The following SPG11 variants were observed in gnomAD, a reference collection of about 807,000 sequenced individuals.
SPG11 encodes the protein SPG11 vesicle trafficking associated, spatacsin.
In SPG11, 222 loss-of-function variants were observed where a neutral mutation model predicts 274.0. The ratio of observed to expected loss-of-function variants is 0.81; its 90% CI spans 0.73 to 0.91. The LOEUF (loss-of-function observed/expected upper bound fraction) is 0.91. Ranked by LOEUF, SPG11 falls within the 40% of genes least tolerant of loss-of-function variation. The pLI is 0.00. For synonymous variants in SPG11, 1,144 were observed against 1,039.7 expected, an observed-to-expected ratio of 1.10 and a Z score of -1.93; for missense variants, 3,114 against 2,872.7, an observed-to-expected ratio of 1.08 and a Z score of -1.92.
intron 7 of SPG11, among the ~76,000 whole-genome samples, chr15:44,638,679 T>G (rs9672772): frequency 6.6e-6 from 1 of 152,112 alleles, no homozygotes; most frequent in Non-Finnish European, 1.5e-5. Flanking sequence ...ACCTGGATGG[T>G]GGTTACAAGA....
At chr15:44,585,051 G>A (rs1248265097) in intron 29 of SPG11, among the ~76,000 whole-genome samples, 1 of 152,224 alleles carries the variant, frequency 6.6e-6, no homozygotes, top group Non-Finnish European at 1.5e-5. Flanking sequence ...CATGGAATGG[G>A]GTTTAAGTGG....
intron 30 of SPG11, among the ~76,000 whole-genome samples, chr15:44,581,159 C>T (rs1263351397): frequency 1.3e-5 from 2 of 151,954 alleles, no homozygotes; most frequent in Non-Finnish European, 2.9e-5. Context: ...ACCATGGAGG[C>T]GAAAAGGAAG....
chr15:44,584,175 A>G lies in SPG11; in HGVS notation c.5505T>C (p.Asp1835=). ...QISTSGELSF[D]SLASEFSFSK... Reference sequence around the variant, plus strand: ...AGAAGGAAAACTCACTGGCTAAACTATCAAAGGAAAGTTCACCACTAGTTG... The same window carrying G: ...AGAAGGAAAACTCACTGGCTAAACTGTCAAAGGAAAGTTCACCACTAGTTG... Residue 1835 remains aspartate (D), a synonymous_variant, in exon 30 of 40, where the codon GAT becomes GAC. Transcript: ENST00000261866. 6.2e-7 allele frequency: 1 copy of G among 1,614,206 alleles called. No homozygotes were observed. Among genetic ancestry groups the G allele is most frequent in the Non-Finnish European group, 8.5e-7 (1 of 1,180,032 alleles).
chr15:44,570,902 C>T (rs947988244), intron 33 of SPG11, among the ~76,000 whole-genome samples: 20 of 152,128 alleles, frequency 1.3e-4, no homozygotes, highest in African/African-American at 4.6e-4. Flanking sequence ...GACTGTTTCC[C>T]CAAAAGGCCC....
chr15:44,577,706 C>T (rs984883393), intron 30 of SPG11, among the ~76,000 whole-genome samples: 1 of 152,014 alleles, frequency 6.6e-6, no homozygotes, highest in Non-Finnish European at 1.5e-5. Flanking sequence ...ATGTGGCATA[C>T]AAGGACTCTG....
At chr15:44,652,358 A>C (rs2141108786) in intron 4 of SPG11, 92 bp from the exon 5 acceptor site, 1 of 1,363,996 alleles carries the variant, frequency 7.3e-7, no homozygotes, top group Non-Finnish European at 1.0e-6. Context: ...AAGAGATTAC[A>C]GAGAAGGAAT....
At chr15:44,627,105 G>T (rs1567173370) in intron 10 of SPG11, among the ~76,000 whole-genome samples, 1 of 152,086 alleles carries the variant, frequency 6.6e-6, no homozygotes, top group Non-Finnish European at 1.5e-5. Flanking sequence ...AAACTACGTG[G>T]AGCCACTGAA....
intron 8 of SPG11, among the ~76,000 whole-genome samples, chr15:44,631,420 A>G (rs1159776045): frequency 1.3e-4 from 20 of 152,234 alleles, no homozygotes; most frequent in Non-Finnish European, 1.5e-5. Flanking sequence ...AATTTAGATT[A>G]AAGATCTCAA....
At position 44,573,717 on chromosome 15, in the gene SPG11, G is replaced by A. The variant is rs2082475250; in HGVS notation, c.6035C>T (p.Ala2012Val). 1.2e-6 allele frequency: 2 copies of A among 1,614,208 alleles called. No homozygotes were observed. The highest frequency in any genetic ancestry group is 1.7e-6 in the Non-Finnish European group (2 of 1,180,040). ...GAGCATGGCTTCACCATCCTGAGCA[G>A]CAACATCTGTGTAGGAACAGCCCAA... ...KELGCSYTDV[A>V]AQDGEAMLRK... is the part of the protein sequence containing the mutation. Residue 2012 changes from alanine to valine, a missense_variant, in exon 32 of 40, where the codon GCT (alanine) becomes GTT (valine). By Grantham distance (64) the Ala-to-Val change is moderately conservative. Coordinates refer to ENST00000261866, the MANE Select transcript of SPG11 (RefSeq NM_025137.4).
intron 27 of SPG11, among the ~76,000 whole-genome samples, chr15:44,590,204 ACTTC>A (rs2082870208): frequency 6.6e-6 from 1 of 152,230 alleles, no homozygotes; most frequent in Non-Finnish European, 1.5e-5. Context: ...GCCTAACATT[ACTTC>A]GCTAGTTCTA....
Position 44,572,848 on chromosome 15 carries a change from C to CT in SPG11, c.6206-29dup, listed in dbSNP as rs774909213. On this transcript the variant is annotated intron_variant, in intron 32 of 39. Coordinates refer to ENST00000261866, the MANE Select transcript of SPG11 (RefSeq NM_025137.4). ...GTACAGAGAGGTGTGAAGACAGGTG[C>CT]TGGTTTTATCTAAGAGAGGCCCACT... 8 of 1,613,484 alleles carry CT rather than the reference C, an allele frequency of 5.0e-6. No homozygotes were observed. The African/African-American group carries it at 1.1e-4, about 22-fold the overall frequency.
intron 19 of SPG11, among the ~76,000 whole-genome samples, 190 bp downstream of exon 19, chr15:44,608,254 G>C (rs1036664027): frequency 4.6e-5 from 7 of 152,152 alleles, no homozygotes; most frequent in African/African-American, 1.7e-4. Flanking sequence ...GCAGCCTTAG[G>C]GGTGATGATG....
chr15:44,598,056 T>C (rs2083089134), intron 23 of SPG11, among the ~76,000 whole-genome samples: 1 of 152,184 alleles, frequency 6.6e-6, no homozygotes, highest in African/African-American at 2.4e-5. Flanking sequence ...AAAGAGAGAA[T>C]TGCTATCTTC....
intron 39 of SPG11, among the ~76,000 whole-genome samples, chr15:44,564,016 C>T (rs745946969): frequency 1.3e-5 from 2 of 151,898 alleles, no homozygotes; most frequent in Non-Finnish European, 2.9e-5. Context: ...TTTTTTGAGA[C>T]AAGAGTCACA....
chr15:44,610,464 C>A (rs2141004106), intron 18 of SPG11, among the ~76,000 whole-genome samples: 1 of 152,258 alleles, frequency 6.6e-6, no homozygotes, highest in East Asian at 1.9e-4. Flanking sequence ...CTCACTGCAA[C>A]CTCCGCCTCT....
chr15:44,582,199 G>A (rs572805392), intron 30 of SPG11, among the ~76,000 whole-genome samples: 1 of 152,216 alleles, frequency 6.6e-6, no homozygotes, highest in Non-Finnish European at 1.5e-5. Context: ...AATAAAAGAG[G>A]AGGGAGTACT....
At chr15:44,638,991 C>T (rs1246301420) in intron 7 of SPG11, among the ~76,000 whole-genome samples, 1 of 148,376 alleles carries the variant, frequency 6.7e-6, no homozygotes, top group Non-Finnish European at 1.5e-5. Flanking sequence ...GTGAGACTGT[C>T]TCCAAAAAAA....
At chr15:44,595,832 T>C (rs2083021740) in intron 25 of SPG11, among the ~76,000 whole-genome samples, 1 of 152,194 alleles carries the variant, frequency 6.6e-6, no homozygotes, top group Admixed American at 6.5e-5. Flanking sequence ...CAAAGCGTCT[T>C]TCTCTGTGAC....
At chr15:44,588,302 A>C (rs1015110771) in intron 28 of SPG11, among the ~76,000 whole-genome samples, 7 of 151,954 alleles carry the variant, frequency 4.6e-5, no homozygotes, top group African/African-American at 7.2e-5. Context: ...TGCAAAAAAA[A>C]AAACAAACAA....
Sources: gnomAD v4.1 joint callset for allele counts (sites outside exome capture counted in the v4.1 genomes callset) on GRCh38, gnomAD v4.1.1 for gene constraint, MANE v1.5 for transcripts, NCBI Gene and HGNC (gene_info 2026-07-23, HGNC 2026-07-21) for gene names.